Variants in L3MBTL4 observed in about 807,000 individuals in gnomAD.
The protein encoded by L3MBTL4 is L3MBTL histone methyl-lysine binding protein 4, also known as lethal(3)malignant brain tumor-like protein 4.
In L3MBTL4, 70 loss-of-function variants were observed where a neutral mutation model predicts 84.5. The observed-to-expected ratio is 0.83, with a 90% CI of 0.68 to 1.01. The LOEUF is 1.01. Among genes scored for constraint, L3MBTL4 ranks in the 50% least tolerant of loss-of-function variants. The pLI, the probability that L3MBTL4 is intolerant of heterozygous loss-of-function variation, is 0.00. For synonymous variants in L3MBTL4, 274 were observed against 259.8 expected, an observed-to-expected ratio of 1.05 and a Z score of -0.52; for missense variants, 715 against 754.8, an observed-to-expected ratio of 0.95 and a Z score of 0.62.
intron 1 of L3MBTL4, among the ~76,000 whole-genome samples, chr18:6,409,925 C>G (rs533120759): frequency 6.6e-6 from 1 of 152,324 alleles, no homozygotes; most frequent in East Asian, 1.9e-4. Flanking sequence ...CTGGATTCTT[C>G]CAATTCGCCT....
intron 16 of L3MBTL4, among the ~76,000 whole-genome samples, chr18:5,999,238 A>G (rs2054113660): frequency 6.6e-6 from 1 of 152,188 alleles, no homozygotes; most frequent in African/African-American, 2.4e-5. Context: ...ATTTATATTT[A>G]TTGAAATTCC....
At chr18:5,984,226 T>A (rs1025147216) in intron 16 of L3MBTL4, among the ~76,000 whole-genome samples, 2 of 152,226 alleles carry the variant, frequency 1.3e-5, no homozygotes, top group Non-Finnish European at 2.9e-5. Flanking sequence ...TGAAATTTAT[T>A]TAAAGGCCAT....
chr18:6,017,603 A>C (rs1221750132), intron 16 of L3MBTL4: 2 of 152,156 alleles, frequency 1.3e-5, no homozygotes, highest in South Asian at 2.1e-4. Context: ...ATGAGGAGGC[A>C]GACTCTTGGG....
chr18:6,201,405 C>T (rs756767719), intron 12 of L3MBTL4, among the ~76,000 whole-genome samples: 2 of 152,120 alleles, frequency 1.3e-5, no homozygotes, highest in African/African-American at 2.4e-5. Flanking sequence ...GAGGAGAAGG[C>T]TGTGAGGAGC....
intron 5 of L3MBTL4, among the ~76,000 whole-genome samples, chr18:6,253,383 T>C (rs571387644): frequency 6.6e-6 from 1 of 152,292 alleles, no homozygotes; most frequent in Admixed American, 6.5e-5. Context: ...TTCTATTACA[T>C]TTAGAAAGTT....
chr18:6,402,682 AAG>A (rs2055561623), intron 1 of L3MBTL4, among the ~76,000 whole-genome samples: 1 of 152,192 alleles, frequency 6.6e-6, no homozygotes, highest in African/African-American at 2.4e-5. Context: ...AATTTAGACT[AAG>A]TATTGCTTAG....
intron 12 of L3MBTL4, among the ~76,000 whole-genome samples, chr18:6,179,511 T>G (rs570254266): frequency 1.3e-5 from 2 of 152,212 alleles, no homozygotes; most frequent in Non-Finnish European, 2.9e-5. Context: ...GGTTCAGGGA[T>G]AGTACTGAGG....
chr18:6,375,510 C>T (rs545563103), intron 1 of L3MBTL4, among the ~76,000 whole-genome samples: 1 of 152,234 alleles, frequency 6.6e-6, no homozygotes, highest in East Asian at 1.9e-4. Context: ...ACCACCACCC[C>T]GATCCCAGGC....
chr18:6,235,684 C>G (rs1045796847), intron 10 of L3MBTL4, among the ~76,000 whole-genome samples: 1 of 152,068 alleles, frequency 6.6e-6, no homozygotes, highest in Non-Finnish European at 1.5e-5. Context: ...GGGGTATGGA[C>G]GGGTATAGGG....
intron 12 of L3MBTL4, among the ~76,000 whole-genome samples, chr18:6,189,468 C>T (rs1345914164): frequency 1.3e-5 from 2 of 152,142 alleles, no homozygotes; most frequent in African/African-American, 4.8e-5. Flanking sequence ...ATGCCTACTG[C>T]AGTCTCTTTG....
At chr18:6,355,938 G>T (rs757290557) in intron 1 of L3MBTL4, among the ~76,000 whole-genome samples, 1 of 152,002 alleles carries the variant, frequency 6.6e-6, no homozygotes. Flanking sequence ...CCCCAGCAGG[G>T]TTGGTCACCT....
chr18:5,967,546 T>C (rs900416080), intron 17 of L3MBTL4, among the ~76,000 whole-genome samples: 3 of 152,190 alleles, frequency 2.0e-5, no homozygotes, highest in African/African-American at 7.2e-5. Flanking sequence ...CAGTTCACAA[T>C]TGATTTCCTT....
chr18:6,165,056 C>A (rs995057359), intron 13 of L3MBTL4, among the ~76,000 whole-genome samples: 1 of 151,994 alleles, frequency 6.6e-6, no homozygotes, highest in African/African-American at 2.4e-5. Flanking sequence ...GTAGCTGATG[C>A]GATCAACTGG....
chr18:6,394,348 A>C (rs2055184627), intron 1 of L3MBTL4, among the ~76,000 whole-genome samples: 1 of 152,132 alleles, frequency 6.6e-6, no homozygotes, highest in Non-Finnish European at 1.5e-5. Flanking sequence ...CACACCTGTA[A>C]TCCCAGCTAC....
chr18:6,387,065 T>C (rs542300562), intron 1 of L3MBTL4, among the ~76,000 whole-genome samples: 18 of 152,254 alleles, frequency 1.2e-4, no homozygotes, highest in African/African-American at 3.9e-4. Flanking sequence ...CAGCCAGGAC[T>C]GGCGACAGAC....
At position 6,167,214 on chromosome 18, in the gene L3MBTL4, C is replaced by A. The variant is rs556052252; in HGVS notation, c.1096+4614G>T. ...CTTACCAACCAAAAAGAGTCCAGGA[C>A]AAGATGGATTCACAGCTGAATTCTA... On this transcript the variant is annotated intron_variant, in intron 13 of 18. Coordinates refer to ENST00000317931, the MANE Select transcript of L3MBTL4 (RefSeq NM_001330559.2). 2.0e-5 allele frequency among the ~76,000 whole-genome samples: 3 copies of A among 152,230 alleles called. 1 individual carries two copies. The South Asian group carries it at 6.2e-4, about 32-fold the overall frequency.
chr18:6,162,908 G>A (rs1414950898), intron 13 of L3MBTL4, among the ~76,000 whole-genome samples: 2 of 152,164 alleles, frequency 1.3e-5, no homozygotes, highest in Non-Finnish European at 2.9e-5. Flanking sequence ...GTTTTGAGAG[G>A]AAAATGGTGG....
At chr18:6,115,140 G>C (rs2059318240) in intron 14 of L3MBTL4, among the ~76,000 whole-genome samples, 1 of 152,232 alleles carries the variant, frequency 6.6e-6, no homozygotes, top group Admixed American at 6.5e-5. Flanking sequence ...TGCAGCTACA[G>C]TGTTGATGGG....
chr18:6,233,980 T>C lies in L3MBTL4; in HGVS notation c.784+3984A>G, dbSNP rs111395524. Among the ~76,000 whole-genome samples, 316 of 152,108 alleles carry C rather than the reference T, an allele frequency of 2.1e-3. 2 individuals are homozygous for C. Among genetic ancestry groups the C allele is most frequent in the African/African-American group, 7.0e-3 (292 of 41,464 alleles). On this transcript the variant is annotated intron_variant, in intron 10 of 18. Coordinates refer to ENST00000317931, the MANE Select transcript of L3MBTL4 (RefSeq NM_001330559.2). ...GTACCAAAACAGAGATATAGACCAG[T>C]GGAACAGAACAGAGCCCTCAGAAAT...
Sources: allele counts gnomAD v4.1 joint callset (sites outside exome capture counted in the v4.1 genomes callset), GRCh38; gene constraint gnomAD v4.1.1; transcripts MANE v1.5; gene names NCBI Gene and HGNC (gene_info 2026-07-23, HGNC 2026-07-21).